The following UGT1A9 variants were observed in gnomAD, a reference collection of about 807,000 sequenced individuals.
UGT1A9 encodes the protein UDP-glucuronosyltransferase 1A9.
In UGT1A9, 35 loss-of-function variants were observed where a neutral mutation model predicts 45.0. That is an observed-to-expected ratio of 0.78 (90% CI 0.59 to 1.03). UGT1A9 has a LOEUF of 1.03. UGT1A9 is among the 50% of genes least tolerant of loss of function. The probability of loss-of-function intolerance (pLI) is 0.00; values close to 1 mark genes in which losing one functional copy is unlikely to be tolerated. For missense variants in UGT1A9, 687 were observed against 666.6 expected (o/e 1.03, Z -0.34); for synonymous variants, 278 against 250.6 (o/e 1.11, Z -1.03).
intron 1 of UGT1A9, among the ~76,000 whole-genome samples, chr2:233,708,153 G>C (rs1349797259): frequency 6.6e-6 from 1 of 152,204 alleles, no homozygotes; most frequent in Admixed American, 6.5e-5. Context: ...TTCCACAGGG[G>C]AGTTGCCGGA....
intron 1 of UGT1A9, among the ~76,000 whole-genome samples, chr2:233,757,535 A>AATATATATACATATATATATATATATAT (rs376887521): frequency 7.9e-5 from 7 of 88,294 alleles, no homozygotes; most frequent in Non-Finnish European, 1.1e-4. Context: ...GCCTGTAAGG[A>AATATATATACATATATATATATATATAT]ATATATATAT....
At chr2:233,730,917 C>G (rs760966477) in intron 1 of UGT1A9, among the ~76,000 whole-genome samples, 3 of 152,138 alleles carry the variant, frequency 2.0e-5, no homozygotes, top group Non-Finnish European at 4.4e-5. Flanking sequence ...ATTTCAGAGG[C>G]AGCTTTCATT....
At position 233,747,396 on chromosome 2, in the gene UGT1A9, A is replaced by G. The variant is rs537889953; in HGVS notation, c.856-19638A>G. 2.9e-5 allele frequency: 46 copies of G among 1,606,394 alleles called. 2 individuals carry two copies. In the African/African-American group the frequency reaches 5.6e-4, roughly 20 times the overall value. On this transcript the variant is annotated intron_variant, in intron 1 of 4. Coordinates refer to ENST00000354728, the MANE Select transcript of UGT1A9 (RefSeq NM_021027.3). ...CAGAGGCCACCAGGCGGTGGTCCTCACCCCAGAGGTGAATATGCACATCAA... is the reference window on the plus strand; with the variant it reads ...CAGAGGCCACCAGGCGGTGGTCCTCGCCCCAGAGGTGAATATGCACATCAA...
rs191504719 is a variant in UGT1A9, at chr2:233,687,329, T to G, written c.855+14540T>G. Among the ~76,000 whole-genome samples, 6 of 152,310 alleles carry G rather than the reference T, an allele frequency of 3.9e-5. No homozygotes were observed. In the East Asian group the frequency reaches 9.6e-4, roughly 24 times the overall value. The stretch of plus-strand genomic sequence containing the variant: ...GTTGTCTTCTTGATGCAAGTTTCCC[T>G]TGAATGATTTAAACTTCAGATGGGT... On this transcript the variant is annotated intron_variant, in intron 1 of 4. Transcript: ENST00000354728.
At chr2:233,747,462 T>G (rs1386153404) in intron 1 of UGT1A9, 32 of 1,608,940 alleles carry the variant, frequency 2.0e-5, no homozygotes, top group Non-Finnish European at 1.7e-5. Flanking sequence ...TGCCATTTCA[T>G]GGACCCAGGA....
intron 1 of UGT1A9, among the ~76,000 whole-genome samples, chr2:233,705,801 AATT>A (rs1432798810): frequency 6.6e-6 from 1 of 152,156 alleles, no homozygotes; most frequent in Non-Finnish European, 1.5e-5. Context: ...CTTGTTCAAA[AATT>A]ATTAAGAATT....
chr2:233,766,840 C>G (rs1430018242), intron 1 of UGT1A9, among the ~76,000 whole-genome samples, 194 bp from the exon 2 acceptor site: 6 of 152,184 alleles, frequency 3.9e-5, no homozygotes, highest in Admixed American at 2.0e-4. Flanking sequence ...AGCAGGAACC[C>G]TTCCTCCTTT....
At chr2:233,729,100 A>G (rs2077792052) in intron 1 of UGT1A9, 1 of 1,612,718 alleles carries the variant, frequency 6.2e-7, no homozygotes, top group Non-Finnish European at 8.5e-7. Context: ...TGGGGTGGAC[A>G]GTCAGCTGTC....
intron 1 of UGT1A9, chr2:233,691,283 C>A: frequency 1.0e-6 from 1 of 985,546 alleles, no homozygotes; most frequent in Non-Finnish European, 1.2e-6. Flanking sequence ...TGACTTTGAT[C>A]ATTGTAAGCT....
At chr2:233,688,380 C>T (rs887920380) in intron 1 of UGT1A9, among the ~76,000 whole-genome samples, 14 of 152,164 alleles carry the variant, frequency 9.2e-5, no homozygotes, top group East Asian at 3.8e-4. Context: ...CATTTGTATA[C>T]GATAAACCCT....
At chr2:233,749,694 G>A (rs1268500408) in intron 1 of UGT1A9, among the ~76,000 whole-genome samples, 1 of 151,848 alleles carries the variant, frequency 6.6e-6, no homozygotes, top group Non-Finnish European at 1.5e-5. Flanking sequence ...AGGATCTGGT[G>A]GGAGGTGATT....
intron 1 of UGT1A9, chr2:233,682,738 C>A: frequency 6.2e-7 from 1 of 1,613,880 alleles, no homozygotes; most frequent in Non-Finnish European, 8.5e-7. Flanking sequence ...CCGTGATGCC[C>A]AATATGATCT....
At position 233,758,345 on chromosome 2, in the gene UGT1A9, T is replaced by G. The variant is rs2125964411; in HGVS notation, c.856-8689T>G. Among the ~76,000 whole-genome samples, 4 of 152,362 alleles carry G rather than the reference T, an allele frequency of 2.6e-5. 1 individual carries two copies. In the Middle Eastern group the frequency reaches 0.01, roughly 389 times the overall value. On this transcript the variant is annotated intron_variant, in intron 1 of 4. Transcript: ENST00000354728. ...CCTCAAAAAGCTTGGAAGCTCTGCA[T>G]GATGCAGGAAAGTCATAAAATCATT...
intron 1 of UGT1A9, among the ~76,000 whole-genome samples, chr2:233,751,630 A>C (rs1694768299): frequency 6.6e-6 from 1 of 152,142 alleles, no homozygotes; most frequent in Non-Finnish European, 1.5e-5. Context: ...TCATGTGTGC[A>C]GTTTCCCCCT....
In UGT1A9 at chr2:233,682,559, T is replaced by C. The variant is rs11692021; in HGVS notation, c.855+9770T>C. On this transcript the variant is annotated intron_variant, in intron 1 of 4. Coordinates refer to ENST00000354728, the MANE Select transcript of UGT1A9 (RefSeq NM_021027.3). ...CGCCATGACTTTCAAGGAGAGAGTA[T>C]GGAACCACATCATGCACTTGGAGGA... 0.37 allele frequency: 603,685 copies of C among 1,613,636 alleles called. 115,745 individuals are homozygous for C. Among genetic ancestry groups the C allele is most frequent in the South Asian group, 0.41 (37,459 of 91,054 alleles).
At chr2:233,684,707 T>G (rs903109945) in intron 1 of UGT1A9, among the ~76,000 whole-genome samples, 2 of 152,002 alleles carry the variant, frequency 1.3e-5, no homozygotes, top group Non-Finnish European at 2.9e-5. Context: ...GGTTATGTAT[T>G]AATGTATATA....
chr2:233,700,461 CT>C (rs2075565476), intron 1 of UGT1A9, among the ~76,000 whole-genome samples: 1 of 151,894 alleles, frequency 6.6e-6, no homozygotes, highest in South Asian at 2.1e-4. Context: ...AATGATTCAG[CT>C]AAAAAAAGTA....
chr2:233,747,873 T>C, intron 1 of UGT1A9: 1 of 1,613,590 alleles, frequency 6.2e-7, no homozygotes, highest in Non-Finnish European at 8.5e-7. Context: ...TCTGGCCCTG[T>C]CCTACCTTTG....
At chr2:233,752,137 C>T (rs1694900584) in intron 1 of UGT1A9, among the ~76,000 whole-genome samples, 1 of 152,200 alleles carries the variant, frequency 6.6e-6, no homozygotes, top group Non-Finnish European at 1.5e-5. Flanking sequence ...CAGAAAGGAT[C>T]ATTCCCTCTT....
Sources: allele counts gnomAD v4.1 joint callset (sites outside exome capture counted in the v4.1 genomes callset), GRCh38; gene constraint gnomAD v4.1.1; transcripts MANE v1.5; gene names NCBI Gene and HGNC (gene_info 2026-07-23, HGNC 2026-07-21).